CNTNAP2: variants seen among roughly 807,000 people sequenced by gnomAD.
The protein encoded by CNTNAP2 is contactin-associated protein-like 2.
Under a neutral mutation model 155.2 loss-of-function variants are expected in CNTNAP2, and 98 were observed. The ratio of observed to expected loss-of-function variants is 0.63; its 90% CI spans 0.54 to 0.75. The LOEUF (loss-of-function observed/expected upper bound fraction) is 0.75, where lower values mean the gene tolerates loss of function less well. CNTNAP2 is among the 30% of genes least tolerant of loss of function. CNTNAP2 has a pLI of 0.00. For synonymous variants in CNTNAP2, 651 were observed against 631.2 expected (o/e 1.03, Z -0.47); for missense variants, 1,727 against 1,688.1 (o/e 1.02, Z -0.40).
At chr7:147,031,435 A>G (rs1799029813) in intron 3 of CNTNAP2, among the ~76,000 whole-genome samples, 1 of 152,208 alleles carries the variant, frequency 6.6e-6, no homozygotes, top group African/African-American at 2.4e-5. Flanking sequence ...AATAGTAAAA[A>G]AACCTGGAAA....
intron 21 of CNTNAP2, among the ~76,000 whole-genome samples, chr7:148,275,881 G>A (rs1796862762): frequency 2.0e-5 from 3 of 152,180 alleles, no homozygotes; most frequent in African/African-American, 7.2e-5. Flanking sequence ...TGGTGGCATC[G>A]TAGCCAGGTC....
intron 3 of CNTNAP2, among the ~76,000 whole-genome samples, chr7:146,956,467 T>A (rs576625467): frequency 1.5e-4 from 23 of 152,300 alleles, no homozygotes; most frequent in African/African-American, 5.5e-4. Context: ...AAGTGCTGTC[T>A]TCCACATTGG....
At chr7:147,639,820 A>AGT (rs927620392) in intron 13 of CNTNAP2, among the ~76,000 whole-genome samples, 4 of 152,120 alleles carry the variant, frequency 2.6e-5, no homozygotes, top group Admixed American at 1.3e-4. Context: ...AGCATGTGCT[A>AGT]GTGTGTGTGT....
chr7:147,104,987 G>A (rs1379918364), intron 4 of CNTNAP2, among the ~76,000 whole-genome samples: 1 of 148,172 alleles, frequency 6.7e-6, no homozygotes, highest in Non-Finnish European at 1.5e-5. Flanking sequence ...ATATGCACCA[G>A]TTAAGTACCC....
At chr7:147,421,899 C>G (rs1423664916) in intron 10 of CNTNAP2, among the ~76,000 whole-genome samples, 2 of 152,028 alleles carry the variant, frequency 1.3e-5, no homozygotes, top group South Asian at 2.1e-4. Context: ...TGCTTGCTCC[C>G]TCTTGGCCTT....
chr7:148,281,921 C>T (rs527827923), intron 21 of CNTNAP2, among the ~76,000 whole-genome samples: 1 of 149,806 alleles, frequency 6.7e-6, no homozygotes, highest in Non-Finnish European at 1.5e-5. Context: ...CTGCAACCTC[C>T]ACCTCCCGGG....
At chr7:147,275,640 T>G (rs891558457) in intron 8 of CNTNAP2, among the ~76,000 whole-genome samples, 4 of 152,126 alleles carry the variant, frequency 2.6e-5, no homozygotes, top group African/African-American at 9.7e-5. Flanking sequence ...CTTTTCCTGT[T>G]TGGATGCCTT....
chr7:146,802,420 A>G (rs1016701048), intron 2 of CNTNAP2, among the ~76,000 whole-genome samples: 1 of 152,124 alleles, frequency 6.6e-6, no homozygotes, highest in African/African-American at 2.4e-5. Context: ...TAGATTAGGG[A>G]TATGATTTGG....
At chr7:146,901,870 CTTTTTTTTTTTTTT>C in intron 3 of CNTNAP2, among the ~76,000 whole-genome samples, 1 of 88,224 alleles carries the variant, frequency 1.1e-5, no homozygotes, top group Non-Finnish European at 2.2e-5. Context: ...ATATATGCTC[CTTTTTTTTTTTTTT>C]TTTTTTTTTG....
chr7:147,011,789 C>T (rs1798630910), intron 3 of CNTNAP2, among the ~76,000 whole-genome samples: 1 of 152,096 alleles, frequency 6.6e-6, no homozygotes, highest in Non-Finnish European at 1.5e-5. Context: ...AAGAGCTGGC[C>T]ATAGAGAAAG....
intron 19 of CNTNAP2, 141 bp downstream of exon 19, chr7:148,217,665 C>A (rs1795669978): frequency 3.4e-6 from 3 of 891,334 alleles, no homozygotes; most frequent in African/African-American, 3.3e-5. Flanking sequence ...CTTTGAACCC[C>A]ATTTCTCTCC....
intron 1 of CNTNAP2, among the ~76,000 whole-genome samples, chr7:146,641,054 C>T (rs868563582): frequency 3.9e-5 from 6 of 152,146 alleles, no homozygotes; most frequent in Non-Finnish European, 5.9e-5. Flanking sequence ...TGTCCAGGCA[C>T]GGTGGCTCGT....
intron 4 of CNTNAP2, among the ~76,000 whole-genome samples, chr7:147,045,847 C>T (rs1310510607): frequency 6.6e-6 from 1 of 151,970 alleles, no homozygotes; most frequent in Non-Finnish European, 1.5e-5. Context: ...TATACACACA[C>T]ATATACATAC....
intron 1 of CNTNAP2, among the ~76,000 whole-genome samples, chr7:146,305,286 G>T (rs1800689219): frequency 6.6e-6 from 1 of 152,120 alleles, no homozygotes; most frequent in Non-Finnish European, 1.5e-5. Context: ...ACTCGTCAAA[G>T]TCTTTCTCCG....
intron 8 of CNTNAP2, among the ~76,000 whole-genome samples, chr7:147,245,398 GC>G (rs1804034894): frequency 6.6e-6 from 1 of 152,000 alleles, no homozygotes; most frequent in Non-Finnish European, 1.5e-5. Context: ...AAGCCCTGTG[GC>G]CCCCTCAATC....
At chr7:146,912,868 A>C (rs752172048) in intron 3 of CNTNAP2, among the ~76,000 whole-genome samples, 1 of 152,086 alleles carries the variant, frequency 6.6e-6, no homozygotes, top group Non-Finnish European at 1.5e-5. Flanking sequence ...TCTCTTAATC[A>C]TTTTAACATT....
intron 4 of CNTNAP2, among the ~76,000 whole-genome samples, chr7:147,049,037 G>A (rs773696807): frequency 5.3e-5 from 8 of 152,166 alleles, no homozygotes; most frequent in Admixed American, 6.5e-5. Flanking sequence ...ATTTCTTACC[G>A]TTCTGGAGGC....
chr7:146,538,333 C>T (rs918557479), intron 1 of CNTNAP2, among the ~76,000 whole-genome samples: 2 of 152,088 alleles, frequency 1.3e-5, no homozygotes, highest in Non-Finnish European at 2.9e-5. Flanking sequence ...TTACATAAAG[C>T]AGCTGTGGGT....
chr7:147,540,692 A>G (rs532643546), intron 11 of CNTNAP2, among the ~76,000 whole-genome samples: 11 of 152,206 alleles, frequency 7.2e-5, no homozygotes, highest in African/African-American at 2.4e-4. Flanking sequence ...TAAGCTGGGC[A>G]TGGTGGCACG....
Sources: gnomAD v4.1 joint callset for allele counts (sites outside exome capture counted in the v4.1 genomes callset) on GRCh38, gnomAD v4.1.1 for gene constraint, MANE v1.5 for transcripts, NCBI Gene and HGNC (gene_info 2026-07-23, HGNC 2026-07-21) for gene names.